Variants in TMEM168 observed in about 807,000 individuals in gnomAD.
The protein encoded by TMEM168 is transmembrane protein 168.
Under a neutral mutation model 53.2 loss-of-function variants are expected in TMEM168, and 40 were observed. That is an observed-to-expected ratio of 0.75 (90% confidence interval 0.58 to 0.98). TMEM168 has a LOEUF of 0.98. TMEM168 is among the 50% of genes least tolerant of loss of function. The pLI, the probability that TMEM168 is intolerant of heterozygous loss-of-function variation, is 0.00. For synonymous variants in TMEM168, 282 were observed against 293.0 expected (o/e 0.96, Z 0.38); for missense variants, 771 against 828.8 (o/e 0.93, Z 0.86).
At position 112,784,414 on chromosome 7, in the gene TMEM168, A is replaced by G. The variant is rs750265362; in HGVS notation, c.412T>C (p.Ser138Pro). 78 of 1,614,030 alleles carry G rather than the reference A, an allele frequency of 4.8e-5. No homozygotes were observed. The highest frequency in any genetic ancestry group is 3.6e-5 in the Non-Finnish European group (42 of 1,180,018). ...LTSIVLRILCSLVERISGYVR... is the reference protein window; with the variant it reads ...LTSIVLRILCPLVERISGYVR... Reference sequence around the variant, plus strand: ...TAACCAGAAATTCTCTCCACCAGAGAGCACAATATCCTTAACACTATGGAT... The same window carrying G: ...TAACCAGAAATTCTCTCCACCAGAGGGCACAATATCCTTAACACTATGGAT... Residue 138 changes from serine (S) to proline (P), a missense_variant, in exon 2 of 5, where the codon TCT becomes CCT. By Grantham distance (74) the Ser-to-Pro change is moderately conservative (BLOSUM62 -1). Coordinates refer to ENST00000312814, the MANE Select transcript of TMEM168 (RefSeq NM_022484.6).
chr7:112,787,560 G>A (rs138472716), intron 1 of TMEM168, among the ~76,000 whole-genome samples: 2,113 of 150,558 alleles, frequency 0.014, 26 homozygotes, highest in Non-Finnish European at 0.021. Context: ...GATTACAGGC[G>A]CCCATCGCCA....
rs764147145 is a variant in TMEM168 at position 112,784,754 on chromosome 7, A to G, written c.72T>C (p.Asn24=). The change falls in exon 2 of 5, where the codon AAT becomes AAC. Residue 24 remains asparagine (N), a synonymous_variant. Transcript: ENST00000312814. ...YLAMTRLEEV[N]REVNMHSSVR... is the part of the protein sequence containing the mutation. The stretch of plus-strand genomic sequence containing the variant: ...CTGAAGAATGCATGTTCACTTCTCT[A>G]TTTACTTCTTCCAGTCTTGTCATTG... 3 of 1,611,802 alleles carry G rather than the reference A, an allele frequency of 1.9e-6. No individual in the cohort carries two copies. Among genetic ancestry groups the G allele is most frequent in the East Asian group, 2.2e-5 (1 of 44,852 alleles).
At chr7:112,787,659 C>T (rs1562871874) in intron 1 of TMEM168, among the ~76,000 whole-genome samples, 1 of 150,756 alleles carries the variant, frequency 6.6e-6, no homozygotes, top group Admixed American at 6.6e-5. Context: ...AGGTGATCCA[C>T]CCGCCTCGCC....
chr7:112,788,266 C>A (rs1793445419), intron 1 of TMEM168, among the ~76,000 whole-genome samples: 1 of 152,114 alleles, frequency 6.6e-6, no homozygotes, highest in African/African-American at 2.4e-5. Flanking sequence ...TCATTTATTT[C>A]TATGTCTTTG....
chr7:112,772,751 C>T, intron 4 of TMEM168, 30 bp downstream of exon 4: 1 of 1,600,150 alleles, frequency 6.2e-7, no homozygotes, highest in Non-Finnish European at 8.5e-7. Flanking sequence ...TGTATCTTTA[C>T]AATAGTGAAA....
intron 1 of TMEM168, among the ~76,000 whole-genome samples, chr7:112,787,616 T>C (rs1793419605): frequency 1.3e-5 from 2 of 151,268 alleles, no homozygotes; most frequent in African/African-American, 4.9e-5. Flanking sequence ...GGTTTCACCA[T>C]ATTGGCCAGG....
At chr7:112,778,016 G>T (rs1458861227) in intron 2 of TMEM168, among the ~76,000 whole-genome samples, 4 of 151,536 alleles carry the variant, frequency 2.6e-5, no homozygotes, top group Non-Finnish European at 5.9e-5. Context: ...CTAGGATAAT[G>T]ATACCTTCTC....
intron 2 of TMEM168, among the ~76,000 whole-genome samples, chr7:112,783,169 C>T (rs117634413): frequency 0.034 from 5,128 of 152,290 alleles, 129 homozygotes; most frequent in Middle Eastern, 0.085. Flanking sequence ...AGGATAACCT[C>T]TAATCTATAA....
chr7:112,784,435 T>C lies in TMEM168; in HGVS notation c.391A>G (p.Ile131Val), dbSNP rs748447546. Residue 131 changes from isoleucine (I) to valine (V), a missense_variant, in exon 2 of 5, where the codon ATA becomes GTA. Ile to Val is a conservative substitution (Grantham distance 29). Transcript: ENST00000312814. Reference sequence around the variant, plus strand: ...AGAGAGCACAATATCCTTAACACTATGGATGTTAGAAGCAAATATTTGGTT... The same window carrying C: ...AGAGAGCACAATATCCTTAACACTACGGATGTTAGAAGCAAATATTTGGTT... ...ESTKYLLLTSIVLRILCSLVE... is the reference protein window; with the variant it reads ...ESTKYLLLTSVVLRILCSLVE... 2 of 1,614,046 alleles carry C rather than the reference T, an allele frequency of 1.2e-6. No homozygotes were observed. Among genetic ancestry groups the C allele is most frequent in the African/African-American group, 1.3e-5 (1 of 75,046 alleles).
chr7:112,773,162 G>T, intron 3 of TMEM168, 107 bp from the exon 4 acceptor site: 1 of 1,227,276 alleles, frequency 8.1e-7, no homozygotes, highest in Non-Finnish European at 1.1e-6. Context: ...CTGCTAAGTG[G>T]CAGGATTTTT....
chr7:112,789,792 G>A (rs1193951337), intron 1 of TMEM168, among the ~76,000 whole-genome samples: 2 of 152,176 alleles, frequency 1.3e-5, no homozygotes, highest in Non-Finnish European at 2.9e-5. Context: ...TCTCATACGA[G>A]GAAAATGTCA....
chr7:112,787,667 G>A (rs1016107690), intron 1 of TMEM168, among the ~76,000 whole-genome samples: 7 of 142,408 alleles, frequency 4.9e-5, no homozygotes, highest in Admixed American at 7.4e-5. Context: ...CACCCGCCTC[G>A]CCTCCCAAAG....
chr7:112,784,197 A>C lies in TMEM168; in HGVS notation c.629T>G (p.Val210Gly), dbSNP rs781211468. ...TTCCAATGAGGAAAAAAATAACAAAACTGCAAAAATAACTAAGTTTGGAAT... is the reference window on the plus strand; with the variant it reads ...TTCCAATGAGGAAAAAAATAACAAACCTGCAAAAATAACTAAGTTTGGAAT... ...LAIPNLVIFA[V>G]LLFFSSLETP... Residue 210 changes from valine to glycine, a missense_variant, in exon 2 of 5, where the codon GTT becomes GGT. Transcript: ENST00000312814. 2 of 1,613,562 alleles carry C rather than the reference A, an allele frequency of 1.2e-6. No individual in the cohort carries two copies. The highest frequency in any genetic ancestry group is 2.2e-5 in the South Asian group (2 of 90,876).
At chr7:112,785,476 AACT>A (rs1372727484) in intron 1 of TMEM168, among the ~76,000 whole-genome samples, 1 of 152,200 alleles carries the variant, frequency 6.6e-6, no homozygotes, top group Non-Finnish European at 1.5e-5. Flanking sequence ...TACATTGTTT[AACT>A]AATAAACTTA....
At chr7:112,785,894 A>G (rs2687268) in intron 1 of TMEM168, among the ~76,000 whole-genome samples, 4,821 of 152,240 alleles carry the variant, frequency 0.032, 243 homozygotes, top group African/African-American at 0.11. Context: ...CTATCTAAAG[A>G]GAACCCAATC....
chr7:112,784,001 A>C lies in TMEM168; in HGVS notation c.825T>G (p.Leu275=), dbSNP rs1408962312. The change falls in exon 2 of 5, where the codon CTT becomes CTG. Residue 275 remains leucine, a synonymous_variant. Coordinates refer to ENST00000312814, the MANE Select transcript of TMEM168 (RefSeq NM_022484.6). ...TGAATGCGGAAAGAATAAAAAATGT[A>C]AGCTCAATCATTCCAGCAAAAACGA... The part of the protein sequence containing the change: ...LSVVFAGMIE[L]TFFILSAFKL... 5 of 1,613,648 alleles carry C rather than the reference A, an allele frequency of 3.1e-6. No individual in the cohort carries two copies. The highest frequency in any genetic ancestry group is 4.2e-6 in the Non-Finnish European group (5 of 1,179,936).
chr7:112,767,508 A>T lies in TMEM168; in HGVS notation c.1783T>A (p.Tyr595Asn). 1 of 1,614,162 alleles carries T rather than the reference A, an allele frequency of 6.2e-7. No homozygotes were observed. The highest frequency in any genetic ancestry group is 8.5e-7 in the Non-Finnish European group (1 of 1,180,022). The change falls in exon 5 of 5, where the codon TAT becomes AAT. Residue 595 changes from tyrosine to asparagine, a missense_variant. Coordinates refer to ENST00000312814, the MANE Select transcript of TMEM168 (RefSeq NM_022484.6). ...ATGTTATTACTGGAGTTGCAGTTAT[A>T]TTCTACCCAGTCTTTTGTAAAGTCA... ...LGDFTKDWVEYNCNSSNNICW... is the reference protein window; with the variant it reads ...LGDFTKDWVENNCNSSNNICW...
chr7:112,784,050 C>T lies in TMEM168; in HGVS notation c.776G>A (p.Gly259Glu), dbSNP rs1562869197. The T allele has an allele frequency of 6.2e-7, 1 of 1,611,666 alleles. No individual in the cohort carries two copies. Residue 259 changes from glycine to glutamate, a missense_variant, in exon 2 of 5, where the codon GGA becomes GAA. Coordinates refer to ENST00000312814, the MANE Select transcript of TMEM168 (RefSeq NM_022484.6). ...TERWKPFLYRGRICRRLSVVF... is the reference protein window; with the variant it reads ...TERWKPFLYRERICRRLSVVF... ...GACTGAAAGTCTTCTGCAAATTCTT[C>T]CACGGTACAAAAAGGGTTTCCATCT...
chr7:112,787,211 C>T (rs73205169), intron 1 of TMEM168, among the ~76,000 whole-genome samples: 3,088 of 152,294 alleles, frequency 0.02, 46 homozygotes, highest in South Asian at 0.025. Flanking sequence ...AGCTCAATCT[C>T]GTGTCCTTTT....
Sources: allele counts gnomAD v4.1 joint callset (sites outside exome capture counted in the v4.1 genomes callset), GRCh38; gene constraint gnomAD v4.1.1; transcripts MANE v1.5; gene names NCBI Gene and HGNC (gene_info 2026-07-23, HGNC 2026-07-21).